The following NKX2-6 variants were observed in gnomAD, a reference collection of about 807,000 sequenced individuals.
NKX2-6 encodes the protein NK2 homeobox 6, also known as homeobox protein Nkx-2.6.
Under a neutral mutation model 8.6 loss-of-function variants are expected in NKX2-6, and 8 were observed. That is an observed-to-expected ratio of 0.93 (90% CI 0.54 to 1.67). The LOEUF (loss-of-function observed/expected upper bound fraction) is 1.67, where lower values mean the gene tolerates loss of function less well. NKX2-6 is among the 40% of genes most tolerant of loss of function. NKX2-6 has a pLI of 0.00. For synonymous variants in NKX2-6, 210 were observed against 199.3 expected (o/e 1.05, Z -0.45); for missense variants, 475 against 423.1 (o/e 1.12, Z -1.08).
chr8:23,705,679 G>A (rs1380315403), intron 1 of NKX2-6, among the ~76,000 whole-genome samples: 1 of 152,204 alleles, frequency 6.6e-6, no homozygotes, highest in Non-Finnish European at 1.5e-5. Flanking sequence ...CGTGTCCCAG[G>A]GCAGAGAAAA....
chr8:23,703,844 AAAGAGG>A (rs993092817), intron 1 of NKX2-6, among the ~76,000 whole-genome samples: 21 of 152,138 alleles, frequency 1.4e-4, no homozygotes, highest in African/African-American at 3.9e-4. Flanking sequence ...GAAGGAGAAG[AAAGAGG>A]AAGAGGAAGA....
At position 23,702,658 on chromosome 8, in the gene NKX2-6, G is replaced by A; in HGVS notation, c.699C>T (p.Pro233=). The A allele has an allele frequency of 6.4e-7, 1 of 1,550,662 alleles. No individual in the cohort carries two copies. Among genetic ancestry groups the A allele is most frequent in the Non-Finnish European group, 8.7e-7 (1 of 1,146,550 alleles). ...PGPGAPAFPS[P]YSAAVSPYSC... is the part of the protein sequence containing the mutation. ...AGTAGGGCGACACTGCTGCACTGTAGGGGCTGGGGAAGGCAGGTGCGCCGG... is the reference window on the plus strand; with the variant it reads ...AGTAGGGCGACACTGCTGCACTGTAAGGGCTGGGGAAGGCAGGTGCGCCGG... Residue 233 remains proline (P), a synonymous_variant, in exon 2 of 2, where the codon CCC becomes CCT. Transcript: ENST00000325017.
chr8:23,705,466 A>C (rs1306758643), intron 1 of NKX2-6, among the ~76,000 whole-genome samples: 8 of 152,204 alleles, frequency 5.3e-5, no homozygotes, highest in African/African-American at 1.7e-4. Flanking sequence ...TTTGGAGAGA[A>C]AAAGGTGGCG....
At chr8:23,705,465 A>G (rs1050448147) in intron 1 of NKX2-6, among the ~76,000 whole-genome samples, 1 of 152,208 alleles carries the variant, frequency 6.6e-6, no homozygotes, top group Non-Finnish European at 1.5e-5. Flanking sequence ...GTTTGGAGAG[A>G]AAAAGGTGGC....
rs1456141935 is a variant in NKX2-6, at chr8:23,706,526, A to G, written c.73T>C (p.Cys25Arg). The change falls in exon 1 of 2, where the codon TGC (cysteine) becomes CGC (arginine). Residue 25 changes from cysteine to arginine, a missense_variant. By Grantham distance (180) the Cys-to-Arg change is radical (BLOSUM62 -3). Transcript: ENST00000325017. The part of the protein sequence containing the change: ...DILRLERERS[C>R]PAASPHPRVR... ...CGCGGATGTGGCGAAGCCGCGGGGC[A>G]GCTCCGCTCGCGCTCCAGTCGCAGG... 6.5e-7 allele frequency: 1 copy of G among 1,537,090 alleles called. No homozygotes were observed. Among genetic ancestry groups the G allele is most frequent in the Admixed American group, 2.0e-5 (1 of 50,984 alleles).
At position 23,702,441 on chromosome 8, in the gene NKX2-6, C is replaced by A. The variant is rs1298136222; in HGVS notation, c.*10G>T. 2.8e-6 allele frequency: 4 copies of A among 1,444,334 alleles called. No individual in the cohort carries two copies. In the African/African-American group the frequency reaches 5.7e-5, roughly 21 times the overall value. The allele number at this position is 1,444,334 out of a possible 1,614,324, so 89.5% of individuals were successfully genotyped here. On this transcript the variant is annotated 3_prime_UTR_variant, in exon 2 of 2. Coordinates refer to ENST00000325017, the MANE Select transcript of NKX2-6 (RefSeq NM_001136271.3). ...TCTGGCCCTGGTTGGCAGAGTCAAG[C>A]CGAGGAGCCTCACCAGGCCCTGACA...
chr8:23,703,320 C>A (rs1339380679), intron 1 of NKX2-6, among the ~76,000 whole-genome samples: 2 of 152,156 alleles, frequency 1.3e-5, no homozygotes, highest in Non-Finnish European at 2.9e-5. Flanking sequence ...ATTGTGACAA[C>A]CTATGGTCCC....
At chr8:23,705,481 C>G (rs1418758161) in intron 1 of NKX2-6, among the ~76,000 whole-genome samples, 1 of 152,224 alleles carries the variant, frequency 6.6e-6, no homozygotes, top group Non-Finnish European at 1.5e-5. Flanking sequence ...GTGGCGTTTT[C>G]ATCCCTTGGA....
At position 23,706,728 on chromosome 8, in the gene NKX2-6, G is replaced by T; in HGVS notation, c.-130C>A. The T allele has an allele frequency of 2.8e-6, 3 of 1,086,116 alleles. No individual in the cohort carries two copies. The highest frequency in any genetic ancestry group is 3.9e-6 in the Non-Finnish European group (3 of 778,448). The allele number at this position is 1,086,116 out of a possible 1,614,324, so 67.3% of individuals were successfully genotyped here. A position where few individuals can be genotyped will look rare whatever the true frequency, so the allele number is the denominator to read the frequency against. On this transcript the variant is annotated 5_prime_UTR_variant, in exon 1 of 2. Transcript: ENST00000325017. The stretch of plus-strand genomic sequence containing the variant: ...ACAGACGCCCAGCGTCCCAGACAGC[G>T]CCTTCCTCTGGGCCATGCTGGTAGG...
intron 1 of NKX2-6, among the ~76,000 whole-genome samples, chr8:23,703,713 A>ACC (rs11402124): frequency 6.6e-6 from 1 of 151,822 alleles, no homozygotes; most frequent in Non-Finnish European, 1.5e-5. Flanking sequence ...AAACAAACAA[A>ACC]AAACAAACAA....
chr8:23,706,144 C>T (rs541745814), intron 1 of NKX2-6, among the ~76,000 whole-genome samples, 181 bp downstream of exon 1: 1 of 152,204 alleles, frequency 6.6e-6, no homozygotes. Flanking sequence ...GTGTGAAGCA[C>T]ACTGGGTGTC....
Position 23,702,872 on chromosome 8 carries a change from C to T in NKX2-6, c.485G>A (p.Arg162His). 3 of 1,560,578 alleles carry T rather than the reference C, an allele frequency of 1.9e-6. No individual in the cohort carries two copies. The highest frequency in any genetic ancestry group is 2.6e-6 in the Non-Finnish European group (3 of 1,152,096). ...KQQRYLSAPE[R>H]EHLASALQLT... ...CTGCAGCGCGCTGGCCAGGTGCTCG[C>T]GCTCGGGCGCTGACAGGTACCGCTG... is the stretch of plus-strand genomic sequence containing the variant. Residue 162 changes from arginine to histidine, a missense_variant, in exon 2 of 2, where the codon CGC becomes CAC. By Grantham distance (29) the Arg-to-His change is conservative. Transcript: ENST00000325017.
In NKX2-6 at chr8:23,702,576, C is replaced by A. The variant is rs1166961801; in HGVS notation, c.781G>T (p.Ala261Ser). ...PYGAGYGTCY[A>S]GAPSGPAPHT... ...GGCGCAGGACCCGAGGGCGCGCCCG[C>A]GTAGCAGGTGCCGTAGCCTGCGCCG... Residue 261 changes from alanine to serine, a missense_variant, in exon 2 of 2, where the codon GCG becomes TCG. Transcript: ENST00000325017. 7 of 1,544,492 alleles carry A rather than the reference C, an allele frequency of 4.5e-6. No homozygotes were observed. Among genetic ancestry groups the A allele is most frequent in the Non-Finnish European group, 5.2e-6 (6 of 1,146,232 alleles).
rs146685693 is a variant in NKX2-6 at position 23,702,404 on chromosome 8, A to AG, written c.*46dup. On this transcript the variant is annotated 3_prime_UTR_variant, in exon 2 of 2. Coordinates refer to ENST00000325017, the MANE Select transcript of NKX2-6 (RefSeq NM_001136271.3). ...TGTCACGACCTGCGGGCGGAGGGGA[A>AG]GGGAACGAGCATCTGGCCCTGGTTG... 0.2 allele frequency: 281,561 copies of AG among 1,420,068 alleles called. 29,142 individuals carry two copies. The highest frequency in any genetic ancestry group is 0.23 in the East Asian group (8,895 of 38,886). 88.0% of individuals were successfully genotyped at this position (1,420,068 alleles called of 1,614,324 possible). A position where few individuals can be genotyped will look rare whatever the true frequency, so the allele number is the denominator to read the frequency against.
At chr8:23,704,182 A>G (rs1042763483) in intron 1 of NKX2-6, among the ~76,000 whole-genome samples, 4 of 152,354 alleles carry the variant, frequency 2.6e-5, no homozygotes, top group African/African-American at 9.6e-5. Flanking sequence ...TGATGAAAAC[A>G]AAATATTTAT....
rs776646542 is a variant in NKX2-6 at position 23,702,522 on chromosome 8, C to T, written c.835G>A (p.Gly279Arg). 9.1e-6 allele frequency: 14 copies of T among 1,536,608 alleles called. No individual in the cohort carries two copies. In the African/African-American group the frequency reaches 1.8e-4, roughly 20 times the overall value. Reference protein sequence around the residue: ...PHTPLASAGFGHGGQNATPQG... With the variant: ...PHTPLASAGFRHGGQNATPQG... ...GGGGTGGCATTCTGGCCACCGTGTC[C>T]GAAGCCCGCGCTGGCCAGTGGTGTG... The change falls in exon 2 of 2, where the codon GGA becomes AGA. Residue 279 changes from glycine to arginine, a missense_variant. Transcript: ENST00000325017.
At chr8:23,706,279 C>G in intron 1 of NKX2-6, 46 bp downstream of exon 1, 3 of 1,473,274 alleles carry the variant, frequency 2.0e-6, no homozygotes, top group Non-Finnish European at 2.7e-6. Flanking sequence ...CACGCCCCCG[C>G]CCCCACATTC....
chr8:23,702,695 A>G lies in NKX2-6; in HGVS notation c.662T>C (p.Leu221Pro). 1 of 1,551,332 alleles carries G rather than the reference A, an allele frequency of 6.4e-7. No individual in the cohort carries two copies. The highest frequency in any genetic ancestry group is 8.7e-7 in the Non-Finnish European group (1 of 1,146,814). The change falls in exon 2 of 2, where the codon CTG becomes CCG. Residue 221 changes from leucine to proline, a missense_variant. Physicochemically the swap from Leu to Pro is moderately conservative, Grantham distance 98 (BLOSUM62 -3). Coordinates refer to ENST00000325017, the MANE Select transcript of NKX2-6 (RefSeq NM_001136271.3). ...GGCAGGTGCGCCGGGCCCGGGGCCC[A>G]GGCAGGGCTTGCCATCGCGCACCAG... ...PVLVRDGKPC[L>P]GPGPGAPAFP...
In NKX2-6 at chr8:23,703,048, G is replaced by C; in HGVS notation, c.309C>G (p.Gly103=). The part of the protein sequence containing the change: ...PGLNAASPLG[G]GTRVPERGVG... Reference sequence around the variant, plus strand: ...CGCCGCGCTCTGGCACCCTGGTCCCGCCGCCGAGGGGCGAGGCCGCGTTCA... The same window carrying C: ...CGCCGCGCTCTGGCACCCTGGTCCCCCCGCCGAGGGGCGAGGCCGCGTTCA... The change falls in exon 2 of 2, where the codon GGC becomes GGG. Residue 103 remains glycine (G), a synonymous_variant. Coordinates refer to ENST00000325017, the MANE Select transcript of NKX2-6 (RefSeq NM_001136271.3). 2 of 1,540,360 alleles carry C rather than the reference G, an allele frequency of 1.3e-6. No homozygotes were observed. Among genetic ancestry groups the C allele is most frequent in the Admixed American group, 3.9e-5 (2 of 50,928 alleles).
Sources: gnomAD v4.1 joint callset for allele counts (sites outside exome capture counted in the v4.1 genomes callset) on GRCh38, gnomAD v4.1.1 for gene constraint, MANE v1.5 for transcripts, NCBI Gene and HGNC (gene_info 2026-07-23, HGNC 2026-07-21) for gene names.